Variants in ECPAS observed in about 807,000 individuals in gnomAD.
ECPAS encodes the protein proteasome adapter and scaffold protein ECM29.
ECPAS carries 70 observed loss-of-function variants against 255.1 expected under a neutral mutation model. That is an observed-to-expected ratio of 0.27 (90% CI 0.23 to 0.33). ECPAS has a LOEUF of 0.33. Among genes scored for constraint, ECPAS ranks in the 10% least tolerant of loss-of-function variants. ECPAS has a pLI of 1.00. For synonymous variants in ECPAS, 784 were observed against 775.0 expected (o/e 1.01, Z -0.19); for missense variants, 1,817 against 2,206.4 (o/e 0.82, Z 3.54).
At chr9:111,481,235 G>A (rs1469843385) in intron 1 of ECPAS, among the ~76,000 whole-genome samples, 1 of 152,190 alleles carries the variant, frequency 6.6e-6, no homozygotes, top group African/African-American at 2.4e-5. Context: ...GGTGGCTCAC[G>A]CCTGTAATCC....
chr9:111,371,595 T>C (rs763248924), intron 43 of ECPAS, 26 bp downstream of exon 43: 1 of 1,589,554 alleles, frequency 6.3e-7, no homozygotes, highest in East Asian at 2.2e-5. Flanking sequence ...AGAATCCCTT[T>C]AACTGGGTAT....
chr9:111,412,773 C>T (rs2098196683), intron 20 of ECPAS, among the ~76,000 whole-genome samples: 1 of 152,140 alleles, frequency 6.6e-6, no homozygotes, highest in Non-Finnish European at 1.5e-5. Context: ...AAAGCAATTT[C>T]ATAAGACCAG....
intron 10 of ECPAS, 127 bp from the exon 11 acceptor site, chr9:111,425,955 C>A: frequency 1.9e-6 from 1 of 531,650 alleles, no homozygotes; most frequent in East Asian, 3.0e-5. Context: ...AATGCAGATA[C>A]ACATTATTAG....
At chr9:111,365,798 C>T (rs1358570696) in intron 48 of ECPAS, 2 of 157,414 alleles carry the variant, frequency 1.3e-5, no homozygotes, top group Non-Finnish European at 2.8e-5. Flanking sequence ...CCGTGGCACA[C>T]TAAATAATTG....
At chr9:111,363,491 A>G (rs930657187) in intron 49 of ECPAS, 97 bp downstream of exon 49, 8 of 683,332 alleles carry the variant, frequency 1.2e-5, no homozygotes, top group Admixed American at 1.1e-4. Flanking sequence ...ATTTCAGAGT[A>G]TATGCTTAAG....
At chr9:111,483,619 C>A in intron 1 of ECPAS, 1 of 318,234 alleles carries the variant, frequency 3.1e-6, no homozygotes, top group Non-Finnish European at 4.5e-6. Context: ...CGCGGTGCGG[C>A]AGGGGCCGCG....
At chr9:111,468,266 T>C (rs548345462) in intron 2 of ECPAS, among the ~76,000 whole-genome samples, 2 of 152,290 alleles carry the variant, frequency 1.3e-5, no homozygotes, top group South Asian at 4.1e-4. Flanking sequence ...CAAGTAGTAT[T>C]AGCTCCAATT....
Position 111,422,140 on chromosome 9 carries a change from A to G in ECPAS, c.1326T>C (p.Leu442=). 6.2e-7 allele frequency: 1 copy of G among 1,613,852 alleles called. No homozygotes were observed. Residue 442 remains leucine (L), a synonymous_variant, in exon 14 of 50, where the codon CTT becomes CTC. Transcript: ENST00000684092. ...TTAGCAGCTGTTTCCCTACCTTGCA[A>G]AGGGCTTCAAAAAGCTGCTGCACAA... The part of the protein sequence containing the change: ...IALVQQLFEA[L]CKEEPETRLA...
At chr9:111,438,205 T>A (rs527644296) in intron 6 of ECPAS, among the ~76,000 whole-genome samples, 1 of 152,246 alleles carries the variant, frequency 6.6e-6, no homozygotes, top group Admixed American at 6.5e-5. Context: ...AAAGCCATCA[T>A]CACCTGTCAT....
chr9:111,449,026 G>A (rs536344723), intron 3 of ECPAS, among the ~76,000 whole-genome samples: 1 of 152,164 alleles, frequency 6.6e-6, no homozygotes, highest in East Asian at 1.9e-4. Flanking sequence ...ATCCTGGCCT[G>A]ACCATTTGTT....
In ECPAS at chr9:111,413,913, G is replaced by A. The variant is rs2098198942; in HGVS notation, c.2061C>T (p.Asp687=). 1 of 1,578,092 alleles carries A rather than the reference G, an allele frequency of 6.3e-7. No individual in the cohort carries two copies. Among genetic ancestry groups the A allele is most frequent in the Non-Finnish European group, 8.6e-7 (1 of 1,159,654 alleles). ...YPEKLATKFV[D]KTEWIKSLMN... ...AACATACCTTTATCCATTCTGTTTT[G>A]TCTACAAATTTGGTAGCCAGCTTTT... The change falls in exon 20 of 50, where the codon GAC becomes GAT. Residue 687 remains aspartate, a synonymous_variant. Coordinates refer to ENST00000684092, the MANE Select transcript of ECPAS (RefSeq NM_001364929.1).
chr9:111,373,273 TGTCAA>T (rs2098129559), intron 40 of ECPAS, 37 bp from the exon 41 acceptor site: 5 of 1,613,224 alleles, frequency 3.1e-6, no homozygotes, highest in Non-Finnish European at 4.2e-6. Context: ...TCTTTATAAC[TGTCAA>T]AGAGTTTTAT....
At chr9:111,385,672 A>G (rs1347460987) in intron 32 of ECPAS, among the ~76,000 whole-genome samples, 1 of 152,204 alleles carries the variant, frequency 6.6e-6, no homozygotes, top group Non-Finnish European at 1.5e-5. Context: ...CTTTGAGATG[A>G]CACATCGTTT....
intron 34 of ECPAS, among the ~76,000 whole-genome samples, chr9:111,383,968 T>TATCATCATCATC (rs55718434): frequency 3.3e-5 from 5 of 150,972 alleles, no homozygotes; most frequent in South Asian, 2.1e-4. Context: ...TTTGAAGTGT[T>TATCATCATCATC]ATCATCATCA....
intron 24 of ECPAS, among the ~76,000 whole-genome samples, chr9:111,407,974 G>A (rs996011252): frequency 2.6e-5 from 4 of 152,216 alleles, no homozygotes; most frequent in African/African-American, 7.2e-5. Flanking sequence ...AGTATGATGG[G>A]TCAGGGAAGG....
Position 111,426,723 on chromosome 9 carries a change from T to C in ECPAS, c.1051-895A>G, listed in dbSNP as rs571270934. ...AAAAAAAAAAAAAAATCCCAGCACT[T>C]TGGGAGGCCAAGGCAGGAAGATCAC... On this transcript the variant is annotated intron_variant, in intron 10 of 49. Coordinates refer to ENST00000684092, the MANE Select transcript of ECPAS (RefSeq NM_001364929.1). 1.6e-3 allele frequency among the ~76,000 whole-genome samples: 248 copies of C among 151,510 alleles called. 1 individual carries two copies. Among genetic ancestry groups the C allele is most frequent in the African/African-American group, 5.8e-3 (238 of 41,286 alleles).
At chr9:111,452,104 G>A (rs1307070719) in intron 2 of ECPAS, among the ~76,000 whole-genome samples, 1 of 152,122 alleles carries the variant, frequency 6.6e-6, no homozygotes, top group Non-Finnish European at 1.5e-5. Context: ...CCCAGACTGT[G>A]ATAAACTTTA....
intron 1 of ECPAS, among the ~76,000 whole-genome samples, chr9:111,480,170 G>A (rs2098302374): frequency 6.6e-6 from 1 of 151,478 alleles, no homozygotes; most frequent in African/African-American, 2.4e-5. Flanking sequence ...AAATGTTAGT[G>A]GAAGAGAACA....
At chr9:111,434,917 T>A (rs866533522) in intron 7 of ECPAS, among the ~76,000 whole-genome samples, 2 of 141,722 alleles carry the variant, frequency 1.4e-5, no homozygotes, top group Admixed American at 7.4e-5. Flanking sequence ...TTTTTTTTTT[T>A]ACACAGAGTC....
Sources: allele counts gnomAD v4.1 joint callset (sites outside exome capture counted in the v4.1 genomes callset), GRCh38; gene constraint gnomAD v4.1.1; transcripts MANE v1.5; gene names NCBI Gene and HGNC (gene_info 2026-07-23, HGNC 2026-07-21).